Variants in LHFPL3 observed in about 807,000 individuals in gnomAD.
LHFPL3 encodes the protein LHFPL tetraspan subfamily member 3.
A neutral mutation model predicts 19.3 loss-of-function variants in LHFPL3; 5 were observed. The observed-to-expected ratio is 0.26, with a 90% CI of 0.14 to 0.54. The LOEUF (loss-of-function observed/expected upper bound fraction) is 0.54. LHFPL3 is among the 20% of genes least tolerant of loss of function. LHFPL3 has a pLI of 0.94. For missense variants in LHFPL3, 249 were observed against 307.4 expected (o/e 0.81, Z 1.42); for synonymous variants, 133 against 126.2 (o/e 1.05, Z -0.36).
chr7:104,756,135 T>C lies in LHFPL3; in HGVS notation c.682+19224T>C, dbSNP rs77115602. On this transcript the variant is annotated intron_variant, in intron 2 of 2. Coordinates refer to ENST00000424859, the MANE Select transcript of LHFPL3 (RefSeq NM_199000.3). ...GGATAAATAGTGCTGTTTGGGGACA[T>C]TGAAAAACACATGCGTGCACACACT... Among the ~76,000 whole-genome samples, 770 of 152,066 alleles carry C rather than the reference T, an allele frequency of 5.1e-3. 30 individuals carry two copies. In the East Asian group the frequency reaches 0.1, roughly 20 times the overall value.
intron 1 of LHFPL3, among the ~76,000 whole-genome samples, chr7:104,424,985 A>T (rs1045394472): frequency 2.3e-4 from 26 of 113,854 alleles, no homozygotes; most frequent in South Asian, 1.0e-3. Context: ...CCATCTCATA[A>T]AAAAAAAAAA....
intron 1 of LHFPL3, among the ~76,000 whole-genome samples, chr7:104,475,311 C>T (rs1050485833): frequency 6.6e-6 from 1 of 151,978 alleles, no homozygotes; most frequent in African/African-American, 2.4e-5. Context: ...GTCTGGTTAA[C>T]CATCCCTTAT....
At chr7:104,455,208 G>A (rs1190472311) in intron 1 of LHFPL3, among the ~76,000 whole-genome samples, 1 of 152,182 alleles carries the variant, frequency 6.6e-6, no homozygotes, top group Non-Finnish European at 1.5e-5. Flanking sequence ...ACATTAATTA[G>A]CATTTGCTTT....
chr7:104,704,780 C>G (rs1450247956), intron 1 of LHFPL3, among the ~76,000 whole-genome samples: 1 of 152,126 alleles, frequency 6.6e-6, no homozygotes, highest in African/African-American at 2.4e-5. Flanking sequence ...GGACCACAAG[C>G]ATGCACCACC....
Position 104,810,447 on chromosome 7 carries a change from A to T in LHFPL3, c.682+73536A>T, listed in dbSNP as rs536629467. On this transcript the variant is annotated intron_variant, in intron 2 of 2. Coordinates refer to ENST00000424859, the MANE Select transcript of LHFPL3 (RefSeq NM_199000.3). ...ACTGGAGAGAAGCATTTGGCTGGAG[A>T]GGTTTCAGAGGTAGAACTCACAAGA... Among the ~76,000 whole-genome samples the T allele has an allele frequency of 2.6e-5, 4 of 152,246 alleles. 1 individual carries two copies. Among genetic ancestry groups the T allele is most frequent in the African/African-American group, 9.6e-5 (4 of 41,554 alleles).
intron 2 of LHFPL3, among the ~76,000 whole-genome samples, chr7:104,739,783 G>A (rs948754485): frequency 1.3e-5 from 2 of 152,200 alleles, no homozygotes; most frequent in African/African-American, 4.8e-5. Flanking sequence ...TGTCATGGAA[G>A]AAGGCAATGT....
At chr7:104,474,252 G>A (rs898656236) in intron 1 of LHFPL3, among the ~76,000 whole-genome samples, 34 of 152,160 alleles carry the variant, frequency 2.2e-4, no homozygotes, top group African/African-American at 8.0e-4. Context: ...AATTTTATCT[G>A]CTTCAAAACA....
intron 1 of LHFPL3, among the ~76,000 whole-genome samples, chr7:104,681,265 C>G (rs1481200033): frequency 6.7e-6 from 1 of 149,704 alleles, no homozygotes; most frequent in Non-Finnish European, 1.5e-5. Flanking sequence ...GACTTATTTA[C>G]TGCTGTATCC....
At chr7:104,726,419 C>G (rs1032673572) in intron 1 of LHFPL3, among the ~76,000 whole-genome samples, 1 of 151,824 alleles carries the variant, frequency 6.6e-6, no homozygotes, top group Non-Finnish European at 1.5e-5. Flanking sequence ...TTTGCTGCAC[C>G]TATCAAGCCG....
intron 1 of LHFPL3, among the ~76,000 whole-genome samples, chr7:104,446,102 G>A (rs969983648): frequency 6.6e-6 from 1 of 152,096 alleles, no homozygotes; most frequent in Admixed American, 6.5e-5. Context: ...CAGTTTCTAT[G>A]AATTTTTTCC....
At chr7:104,331,994 C>T (rs1801575499) in intron 1 of LHFPL3, among the ~76,000 whole-genome samples, 1 of 151,732 alleles carries the variant, frequency 6.6e-6, no homozygotes, top group Non-Finnish European at 1.5e-5. Flanking sequence ...GACTATTCCT[C>T]TTTAATGTTA....
chr7:104,786,356 C>T (rs1203489379), intron 2 of LHFPL3, among the ~76,000 whole-genome samples: 1 of 152,202 alleles, frequency 6.6e-6, no homozygotes, highest in Non-Finnish European at 1.5e-5. Flanking sequence ...TCAGCTTCCT[C>T]ATCTGTCAAA....
intron 1 of LHFPL3, among the ~76,000 whole-genome samples, chr7:104,557,779 T>C (rs1261445624): frequency 5.3e-5 from 8 of 151,286 alleles, no homozygotes; most frequent in Non-Finnish European, 1.2e-4. Flanking sequence ...CTGCACCCAC[T>C]AACTCATCAT....
intron 1 of LHFPL3, among the ~76,000 whole-genome samples, chr7:104,682,781 T>A (rs1176017427): frequency 6.6e-6 from 1 of 152,252 alleles, no homozygotes; most frequent in Admixed American, 6.5e-5. Flanking sequence ...ACATTAATTT[T>A]AATATGCAAC....
intron 2 of LHFPL3, among the ~76,000 whole-genome samples, chr7:104,808,162 G>T (rs747271002): frequency 2.6e-5 from 4 of 152,148 alleles, no homozygotes; most frequent in African/African-American, 7.2e-5. Context: ...GCACAGAATC[G>T]CAAACTATGC....
At chr7:104,620,613 C>T (rs1331275726) in intron 1 of LHFPL3, among the ~76,000 whole-genome samples, 10 of 152,174 alleles carry the variant, frequency 6.6e-5, no homozygotes, top group Admixed American at 6.5e-4. Context: ...CTTTGTTATA[C>T]ACAGCACCTC....
intron 1 of LHFPL3, among the ~76,000 whole-genome samples, chr7:104,558,340 G>C (rs1789903603): frequency 6.8e-6 from 1 of 146,346 alleles, no homozygotes; most frequent in Admixed American, 6.7e-5. Context: ...TCCAGCACCT[G>C]TTGTTTCCTG....
intron 1 of LHFPL3, among the ~76,000 whole-genome samples, chr7:104,603,121 TC>T (rs1562947504): frequency 1.0e-3 from 140 of 134,548 alleles, no homozygotes; most frequent in African/African-American, 3.9e-3. Context: ...TTTCTTTCTT[TC>T]TTTCTTTCTT....
intron 1 of LHFPL3, among the ~76,000 whole-genome samples, chr7:104,713,935 T>C (rs1414588047): frequency 6.6e-6 from 1 of 152,148 alleles, no homozygotes; most frequent in Non-Finnish European, 1.5e-5. Flanking sequence ...CAGCTCTGCC[T>C]GGGGCCACTC....
Sources: gnomAD v4.1 joint callset for allele counts (sites outside exome capture counted in the v4.1 genomes callset) on GRCh38, gnomAD v4.1.1 for gene constraint, MANE v1.5 for transcripts, NCBI Gene and HGNC (gene_info 2026-07-23, HGNC 2026-07-21) for gene names.